USP15: variants seen among roughly 807,000 people sequenced by gnomAD.
The protein encoded by USP15 is ubiquitin specific peptidase 15.
In USP15, 18 loss-of-function variants were observed where a neutral mutation model predicts 127.1. That is an observed-to-expected ratio of 0.14 (90% CI 0.10 to 0.21). The LOEUF (loss-of-function observed/expected upper bound fraction) is 0.21. Ranked by LOEUF, USP15 falls within the 10% of genes least tolerant of loss-of-function variation. USP15 has a pLI of 1.00. For synonymous variants in USP15, 364 were observed against 393.7 expected (o/e 0.92, Z 0.89); for missense variants, 805 against 1,159.9 (o/e 0.69, Z 4.44).
chr12:62,398,023 C>G (rs192186009), intron 20 of USP15, among the ~76,000 whole-genome samples: 7 of 149,724 alleles, frequency 4.7e-5, no homozygotes, highest in African/African-American at 1.5e-4. Context: ...GACTGGCTCT[C>G]TCTCTGTCAC....
Position 62,366,975 on chromosome 12 carries a change from C to T in USP15, c.915+11500C>T, listed in dbSNP as rs1003550859. Among the ~76,000 whole-genome samples the T allele has an allele frequency of 3.3e-5, 5 of 152,124 alleles. No homozygotes were observed. In the East Asian group the frequency reaches 5.8e-4, roughly 18 times the overall value. ...GCCAGTATTTTCTTGAGGATTTTCA[C>T]GTCGATGTTCATCAGGGATATTGGC... On this transcript the variant is annotated intron_variant, in intron 8 of 21. Transcript: ENST00000280377.
At chr12:62,400,507 T>C (rs541882053) in intron 20 of USP15, among the ~76,000 whole-genome samples, 2 of 151,854 alleles carry the variant, frequency 1.3e-5, no homozygotes, top group African/African-American at 4.8e-5. Context: ...TTTTTTTTTT[T>C]CCTCAAATAT....
At chr12:62,328,301 G>T (rs1254381967) in intron 6 of USP15, 4 of 453,308 alleles carry the variant, frequency 8.8e-6, no homozygotes, top group Non-Finnish European at 1.8e-5. Context: ...AGCTTTGTGG[G>T]CCATATGGTC....
intron 19 of USP15, among the ~76,000 whole-genome samples, chr12:62,394,376 A>G (rs1335451227): frequency 6.6e-6 from 1 of 152,246 alleles, no homozygotes; most frequent in Non-Finnish European, 1.5e-5. Context: ...AAAGGTAACT[A>G]GAAGGAAATA....
intron 1 of USP15, among the ~76,000 whole-genome samples, chr12:62,280,770 A>G (rs1351817597): frequency 2.6e-5 from 4 of 152,194 alleles, no homozygotes; most frequent in Admixed American, 2.6e-4. Flanking sequence ...ATGGTGTGTC[A>G]AGGAAATGAA....
chr12:62,393,111 CT>C lies in USP15; in HGVS notation c.2480del (p.Leu827ArgfsTer6). On this transcript the variant is annotated frameshift_variant, in exon 19 of 22. Coordinates refer to ENST00000280377, the MANE Select transcript of USP15 (RefSeq NM_001252078.2). LOFTEE classifies it high-confidence loss of function. ...CACAAAGAAATTGGATTTATGGTCCCTGCCTCCAGTACTTGTAGTACATCTC... is the reference window on the plus strand; with the variant it reads ...CACAAAGAAATTGGATTTATGGTCCCGCCTCCAGTACTTGTAGTACATCTC... ...QATKKLDLWSLPPVLVVHLKR... is the reference protein window; with the variant it reads ...QATKKLDLWSXPPVLVVHLKR... The C allele has an allele frequency of 6.2e-7, 1 of 1,613,802 alleles. No individual in the cohort carries two copies. The highest frequency in any genetic ancestry group is 8.5e-7 in the Non-Finnish European group (1 of 1,179,868).
chr12:62,336,763 T>A (rs1296377836), intron 6 of USP15: 1 of 155,278 alleles, frequency 6.4e-6, no homozygotes, highest in Non-Finnish European at 1.4e-5. Flanking sequence ...TGTATATTCT[T>A]CTGCATTTAA....
chr12:62,304,603 A>C, intron 3 of USP15: 1 of 380,744 alleles, frequency 2.6e-6, no homozygotes. Context: ...TGGTTCCCCT[A>C]GCTATAATGC....
At chr12:62,347,263 A>G (rs902163662) in intron 6 of USP15, among the ~76,000 whole-genome samples, 2 of 151,852 alleles carry the variant, frequency 1.3e-5, no homozygotes, top group Non-Finnish European at 2.9e-5. Flanking sequence ...AATAATAAAA[A>G]AGGCCACAGA....
intron 20 of USP15, among the ~76,000 whole-genome samples, chr12:62,397,544 C>A (rs1357399134): frequency 1.3e-5 from 2 of 150,964 alleles, no homozygotes; most frequent in African/African-American, 4.9e-5. Context: ...TTTTTTCATT[C>A]TTTTTCTCTT....
chr12:62,343,933 T>C (rs11174432), intron 6 of USP15, among the ~76,000 whole-genome samples: 130,516 of 152,148 alleles, frequency 0.86, 56,239 homozygotes, highest in African/African-American at 0.93. Flanking sequence ...AAGACTCGCC[T>C]CCATGATTCA....
chr12:62,320,970 C>T (rs567981066), intron 4 of USP15, among the ~76,000 whole-genome samples: 1 of 152,142 alleles, frequency 6.6e-6, no homozygotes, highest in Admixed American at 6.5e-5. Flanking sequence ...ACAGACATCC[C>T]TTCAAACAAG....
rs2067670835 is a variant in USP15, at chr12:62,401,048, A to G, written c.2675-139A>G. On this transcript the variant is annotated intron_variant, in intron 20 of 21. Coordinates refer to ENST00000280377, the MANE Select transcript of USP15 (RefSeq NM_001252078.2). The stretch of plus-strand genomic sequence containing the variant: ...TAGAAATTAGAAATCATTTGAATCA[A>G]TTGAATATGTAATAAATAAGCCTCA... 1.1e-5 allele frequency: 5 copies of G among 457,292 alleles called. No homozygotes were observed. In the South Asian group the frequency reaches 2.6e-4, roughly 24 times the overall value. 28.3% of individuals were successfully genotyped at this position (457,292 alleles called of 1,614,324 possible).
chr12:62,313,958 A>T, intron 3 of USP15: 1 of 690,638 alleles, frequency 1.4e-6, no homozygotes, highest in Non-Finnish European at 1.8e-6. Flanking sequence ...TATTTGTCTA[A>T]TGGATCACAT....
At chr12:62,317,536 T>C (rs1262898770) in intron 4 of USP15, among the ~76,000 whole-genome samples, 2 of 152,188 alleles carry the variant, frequency 1.3e-5, no homozygotes, top group Non-Finnish European at 2.9e-5. Context: ...ATTTTGTTTT[T>C]CTAAAGGAAG....
intron 4 of USP15, 21 bp from the exon 5 acceptor site, chr12:62,321,443 A>G: frequency 2.0e-6 from 3 of 1,464,158 alleles, no homozygotes; most frequent in South Asian, 1.3e-5. Flanking sequence ...ATATTTATAT[A>G]TCTTTCCTCC....
intron 8 of USP15, among the ~76,000 whole-genome samples, chr12:62,363,598 A>G (rs561379891): frequency 6.6e-6 from 1 of 152,168 alleles, no homozygotes; most frequent in African/African-American, 2.4e-5. Flanking sequence ...AGTACTCATA[A>G]CCATCTGGCA....
intron 2 of USP15, among the ~76,000 whole-genome samples, 173 bp from the exon 3 acceptor site, chr12:62,302,617 C>T (rs2137194983): frequency 6.6e-6 from 1 of 152,054 alleles, no homozygotes; most frequent in Middle Eastern, 3.4e-3. Flanking sequence ...ACAATTCTTC[C>T]AATACGGCCC....
intron 1 of USP15, among the ~76,000 whole-genome samples, chr12:62,283,757 A>G (rs1050941619): frequency 1.3e-5 from 2 of 152,206 alleles, no homozygotes; most frequent in Non-Finnish European, 2.9e-5. Flanking sequence ...AGCCTGGCTA[A>G]GATGGCAAAA....
Sources: allele counts gnomAD v4.1 joint callset (sites outside exome capture counted in the v4.1 genomes callset), GRCh38; gene constraint gnomAD v4.1.1; transcripts MANE v1.5; gene names NCBI Gene and HGNC (gene_info 2026-07-23, HGNC 2026-07-21).